Variants in SCN10A observed in about 807,000 individuals in gnomAD.
The protein encoded by SCN10A is sodium voltage-gated channel alpha subunit 10.
SCN10A carries 162 observed loss-of-function variants against 170.7 expected under a neutral mutation model. That is an observed-to-expected ratio of 0.95 (90% CI 0.84 to 1.08). SCN10A has a LOEUF of 1.08. Ranked by LOEUF, SCN10A falls within the 50% of genes least tolerant of loss-of-function variation. The probability of loss-of-function intolerance (pLI) is 0.00; values close to 1 mark genes in which losing one functional copy is unlikely to be tolerated. For missense variants in SCN10A, 2,527 were observed against 2,436.9 expected (o/e 1.04, Z -0.78); for synonymous variants, 985 against 904.6 (o/e 1.09, Z -1.59).
chr3:38,755,391 C>T (rs536856876), intron 11 of SCN10A, among the ~76,000 whole-genome samples: 152 of 152,138 alleles, frequency 1.0e-3, no homozygotes, highest in Middle Eastern at 3.4e-3. Context: ...CTTTGATGTC[C>T]GCAGACACCT....
intron 15 of SCN10A, among the ~76,000 whole-genome samples, chr3:38,733,788 T>C (rs990703854): frequency 7.2e-5 from 11 of 152,112 alleles, no homozygotes; most frequent in African/African-American, 2.7e-4. Context: ...TGGTGCAATC[T>C]CAGCTCACCG....
intron 15 of SCN10A, among the ~76,000 whole-genome samples, chr3:38,737,769 CCTCTCTCT>C (rs1279891850): frequency 1.0e-5 from 1 of 99,182 alleles, no homozygotes; most frequent in Non-Finnish European, 2.0e-5. Context: ...TCCCTCCCTC[CCTCTCTCT>C]CTCCCTCCCT....
intron 1 of SCN10A, among the ~76,000 whole-genome samples, chr3:38,802,921 A>G (rs1253773227): frequency 6.6e-6 from 1 of 152,240 alleles, no homozygotes; most frequent in Non-Finnish European, 1.5e-5. Context: ...GCTAATATCC[A>G]GAATCTACAA....
At chr3:38,706,099 T>C (rs1231749167) in intron 26 of SCN10A, among the ~76,000 whole-genome samples, 1 of 152,200 alleles carries the variant, frequency 6.6e-6, no homozygotes, top group African/African-American at 2.4e-5. Context: ...CCACTCCCCA[T>C]TGTAATACTT....
At chr3:38,782,948 A>G (rs1481865811) in intron 4 of SCN10A, among the ~76,000 whole-genome samples, 1 of 152,132 alleles carries the variant, frequency 6.6e-6, no homozygotes, top group African/African-American at 2.4e-5. Flanking sequence ...ATTTTCTCAC[A>G]AATCTGGAGG....
At chr3:38,718,007 C>T (rs889143174) in intron 21 of SCN10A, among the ~76,000 whole-genome samples, 4 of 152,194 alleles carry the variant, frequency 2.6e-5, no homozygotes, top group African/African-American at 4.8e-5. Context: ...AGTGTGAACA[C>T]ATGAACTCCA....
intron 26 of SCN10A, among the ~76,000 whole-genome samples, chr3:38,706,202 C>T (rs1003361639): frequency 1.3e-5 from 2 of 152,196 alleles, no homozygotes; most frequent in African/African-American, 4.8e-5. Flanking sequence ...AAATGTTTTT[C>T]ACTTTGTTCT....
chr3:38,762,491 G>A (rs887570591), intron 6 of SCN10A, among the ~76,000 whole-genome samples: 3 of 152,144 alleles, frequency 2.0e-5, no homozygotes, highest in Admixed American at 2.0e-4. Context: ...AGAAGAAGGG[G>A]CAGCACAGTA....
At chr3:38,752,102 A>C (rs568041807) in intron 12 of SCN10A, 117 bp downstream of exon 12, 99 of 810,186 alleles carry the variant, frequency 1.2e-4, no homozygotes, top group Non-Finnish European at 1.7e-4. Context: ...TAGAATGGGG[A>C]GGCATTGGAC....
chr3:38,782,111 A>G (rs1217807930), intron 4 of SCN10A, among the ~76,000 whole-genome samples: 1 of 151,830 alleles, frequency 6.6e-6, no homozygotes, highest in Non-Finnish European at 1.5e-5. Flanking sequence ...TTTTGTGCTT[A>G]CCTTTGTACT....
chr3:38,799,826 C>T (rs1176937770), intron 1 of SCN10A, among the ~76,000 whole-genome samples: 1 of 152,158 alleles, frequency 6.6e-6, no homozygotes, highest in Non-Finnish European at 1.5e-5. Context: ...GTGTGTCTTG[C>T]ATCTCCTGAG....
chr3:38,738,127 G>A (rs1284567005), intron 15 of SCN10A, among the ~76,000 whole-genome samples: 1 of 151,828 alleles, frequency 6.6e-6, no homozygotes, highest in Admixed American at 6.6e-5. Flanking sequence ...TTTTTGTAGA[G>A]ACGGGGTTTC....
intron 26 of SCN10A, among the ~76,000 whole-genome samples, chr3:38,705,010 G>A (rs1003437280): frequency 3.9e-5 from 6 of 152,212 alleles, no homozygotes; most frequent in South Asian, 4.1e-4. Context: ...AAGATGATCC[G>A]GCTTGTGCCA....
Position 38,742,284 on chromosome 3 carries a change from C to T in SCN10A, c.2106+7G>A, listed in dbSNP as rs922971577. On this transcript the variant is annotated splice_region_variant and intron_variant, in intron 14 of 27. Transcript: ENST00000449082. ...CCAGTGAGGGCAGTACCAGCCAGAG[C>T]ACTCACGATGTTGCCTATCTGGAGC... 1.9e-6 allele frequency: 3 copies of T among 1,606,524 alleles called. No individual in the cohort carries two copies. The highest frequency in any genetic ancestry group is 1.7e-4 in the Middle Eastern group (1 of 5,828).
chr3:38,739,119 C>A (rs982112892), intron 15 of SCN10A, among the ~76,000 whole-genome samples: 4 of 152,158 alleles, frequency 2.6e-5, no homozygotes, highest in African/African-American at 9.7e-5. Context: ...ATCTTAAAAA[C>A]GACTATCTCT....
intron 26 of SCN10A, among the ~76,000 whole-genome samples, chr3:38,702,685 A>G (rs1559409915): frequency 1.3e-5 from 2 of 152,230 alleles, no homozygotes; most frequent in African/African-American, 2.4e-5. Context: ...GAGTAAAGTC[A>G]AGTGCAAAGG....
rs2063457697 is a variant in SCN10A, at chr3:38,726,614, T to C, written c.3079A>G (p.Lys1027Glu). The C allele has an allele frequency of 6.3e-7, 1 of 1,584,826 alleles. No individual in the cohort carries two copies. The highest frequency in any genetic ancestry group is 1.3e-5 in the African/African-American group (1 of 74,536). The change falls in exon 17 of 28, where the codon AAA (lysine) becomes GAA (glutamate). Residue 1027 changes from lysine (K) to glutamate (E), a missense_variant. By Grantham distance (56) the Lys-to-Glu change is moderately conservative. Coordinates refer to ENST00000449082, the MANE Select transcript of SCN10A (RefSeq NM_006514.4). ...TTGGGGATAACTCTTACCTGTCCTT[T>C]GGGGATCACTTCCTGCTGGAAGCTC... ...AQSFQQEVIP[K>E]GQQEQLQQVE...
intron 27 of SCN10A, 33 bp downstream of exon 27, chr3:38,701,806 T>G: frequency 6.4e-7 from 1 of 1,567,642 alleles, no homozygotes. Context: ...CAAACAGAGG[T>G]GGGGCTTCCC....
At chr3:38,725,419 C>T (rs1055230222) in intron 17 of SCN10A, 105 bp from the exon 18 acceptor site, 7 of 1,113,148 alleles carry the variant, frequency 6.3e-6, no homozygotes, top group Non-Finnish European at 8.7e-6. Flanking sequence ...CCAAGAGTTT[C>T]ATATATGCAA....
Sources: gnomAD v4.1 joint callset for allele counts (sites outside exome capture counted in the v4.1 genomes callset) on GRCh38, gnomAD v4.1.1 for gene constraint, MANE v1.5 for transcripts, NCBI Gene and HGNC (gene_info 2026-07-23, HGNC 2026-07-21) for gene names.